PTCHD4: variants seen among roughly 807,000 people sequenced by gnomAD.
PTCHD4 encodes the protein patched domain containing 4.
PTCHD4 carries 33 observed loss-of-function variants against 58.1 expected under a neutral mutation model. The observed-to-expected ratio is 0.57, with a 90% CI of 0.43 to 0.76. The LOEUF (loss-of-function observed/expected upper bound fraction) is 0.76, where lower values mean the gene tolerates loss of function less well. Among genes scored for constraint, PTCHD4 ranks in the 30% least tolerant of loss-of-function variants. The pLI is 0.00. For synonymous variants in PTCHD4, 478 were observed against 409.6 expected, an observed-to-expected ratio of 1.17 and a Z score of -2.02; for missense variants, 1,058 against 1,027.1, an observed-to-expected ratio of 1.03 and a Z score of -0.41.
chr6:48,093,907 G>A (rs1765413028), intron 1 of PTCHD4, among the ~76,000 whole-genome samples: 1 of 152,104 alleles, frequency 6.6e-6, no homozygotes, highest in Non-Finnish European at 1.5e-5. Context: ...ATGAGGGCAA[G>A]GCATTTTCAC....
At chr6:47,995,694 C>T (rs1376626678) in intron 4 of PTCHD4, among the ~76,000 whole-genome samples, 2 of 152,160 alleles carry the variant, frequency 1.3e-5, no homozygotes, top group African/African-American at 4.8e-5. Context: ...CTTAGTTTTT[C>T]CTGGCAACCA....
At position 48,038,557 on chromosome 6, in the gene PTCHD4, T is replaced by C. The variant is rs569016305; in HGVS notation, c.418-29443A>G. On this transcript the variant is annotated intron_variant, in intron 3 of 4. Coordinates refer to ENST00000339488, the MANE Select transcript of PTCHD4 (RefSeq NM_001384253.1). Reference sequence around the variant, plus strand: ...CGGGAGGCTGAGGCATAAGAATCGCTTGAACCCGGGAGACAGAGGTTGCAG... The same window carrying C: ...CGGGAGGCTGAGGCATAAGAATCGCCTGAACCCGGGAGACAGAGGTTGCAG... Among the ~76,000 whole-genome samples, 36 of 151,774 alleles carry C rather than the reference T, an allele frequency of 2.4e-4. No individual in the cohort carries two copies. In the South Asian group the frequency reaches 7.1e-3, roughly 30 times the overall value.
At chr6:47,940,196 A>C (rs1766158972) in intron 4 of PTCHD4, among the ~76,000 whole-genome samples, 1 of 152,096 alleles carries the variant, frequency 6.6e-6, no homozygotes, top group South Asian at 2.1e-4. Flanking sequence ...CAAAGACAAT[A>C]AAAAATGAAA....
At chr6:48,043,393 A>C (rs1046678892) in intron 3 of PTCHD4, among the ~76,000 whole-genome samples, 3 of 151,822 alleles carry the variant, frequency 2.0e-5, no homozygotes, top group Non-Finnish European at 1.5e-5. Context: ...CTCCCTATAA[A>C]ATACTTAATT....
chr6:47,981,318 A>G (rs575464115), intron 4 of PTCHD4, among the ~76,000 whole-genome samples: 22 of 151,664 alleles, frequency 1.5e-4, no homozygotes, highest in African/African-American at 5.1e-4. Context: ...TTTATTTTGT[A>G]TTTTGTTGCT....
At chr6:47,927,578 A>C (rs1199671848) in intron 4 of PTCHD4, among the ~76,000 whole-genome samples, 2 of 152,198 alleles carry the variant, frequency 1.3e-5, no homozygotes, top group Non-Finnish European at 2.9e-5. Flanking sequence ...AAGGAGAGGG[A>C]GAAAGAACAT....
At chr6:48,001,581 T>G (rs978642151) in intron 4 of PTCHD4, among the ~76,000 whole-genome samples, 1 of 152,212 alleles carries the variant, frequency 6.6e-6, no homozygotes, top group Admixed American at 6.5e-5. Flanking sequence ...AGTGGATCCC[T>G]TCCTTACACC....
At chr6:47,907,042 G>C (rs1764910256) in intron 4 of PTCHD4, among the ~76,000 whole-genome samples, 1 of 152,116 alleles carries the variant, frequency 6.6e-6, no homozygotes, top group African/African-American at 2.4e-5. Flanking sequence ...TCAGCATAAT[G>C]CCTGCATTTT....
At chr6:48,100,541 C>T (rs1352270006) in intron 1 of PTCHD4, among the ~76,000 whole-genome samples, 1 of 152,210 alleles carries the variant, frequency 6.6e-6, no homozygotes, top group Non-Finnish European at 1.5e-5. Flanking sequence ...ATGAAAAGAA[C>T]TCTTTCATCC....
intron 1 of PTCHD4, among the ~76,000 whole-genome samples, chr6:48,079,117 C>CAAAAAAAAA (rs398001467): frequency 4.1e-5 from 3 of 73,176 alleles, no homozygotes; most frequent in Non-Finnish European, 5.9e-5. Context: ...AATTCCATCA[C>CAAAAAAAAA]AAAAAAAAAA....
intron 3 of PTCHD4, among the ~76,000 whole-genome samples, chr6:48,011,426 T>C (rs1762669803): frequency 1.3e-5 from 2 of 152,086 alleles, no homozygotes; most frequent in African/African-American, 4.8e-5. Context: ...TTGATGTTTT[T>C]TTTTCTTGTA....
intron 1 of PTCHD4, among the ~76,000 whole-genome samples, chr6:48,083,319 CAGAT>C (rs950792290): frequency 4.6e-5 from 7 of 151,680 alleles, no homozygotes; most frequent in South Asian, 2.1e-4. Context: ...CTTAACAAAA[CAGAT>C]AGTAATAGTA....
Position 47,879,171 on chromosome 6 carries a change from A to G in PTCHD4, c.1664T>C (p.Leu555Pro), listed in dbSNP as rs775348786. The G allele has an allele frequency of 1.9e-6, 3 of 1,612,156 alleles. No homozygotes were observed. The South Asian group carries it at 3.3e-5, about 18-fold the overall frequency. ...ATTGGCACTGACGTTGCTGACTTTC[A>G]GGAACTGGTAGTACTGCTCCACCCA... ...VSWVEQYYQF[L>P]KVSNVSANNK... The change falls in exon 5 of 5, where the codon CTG becomes CCG. Residue 555 changes from leucine to proline, a missense_variant. Physicochemically the swap from Leu to Pro is moderately conservative, Grantham distance 98 (BLOSUM62 -3). Coordinates refer to ENST00000339488, the MANE Select transcript of PTCHD4 (RefSeq NM_001384253.1).
At chr6:47,977,682 C>T (rs186923988) in intron 4 of PTCHD4, among the ~76,000 whole-genome samples, 32 of 151,812 alleles carry the variant, frequency 2.1e-4, no homozygotes, top group African/African-American at 7.2e-4. Flanking sequence ...ATTTGTTATG[C>T]TGCAATAGAT....
chr6:48,106,041 G>T (rs1054773921), intron 1 of PTCHD4, among the ~76,000 whole-genome samples: 1 of 152,056 alleles, frequency 6.6e-6, no homozygotes, highest in East Asian at 1.9e-4. Flanking sequence ...AGCTGGTACC[G>T]TTCCTTCTGA....
chr6:47,975,247 A>G (rs987779730), intron 4 of PTCHD4, among the ~76,000 whole-genome samples: 2 of 152,224 alleles, frequency 1.3e-5, no homozygotes, highest in African/African-American at 4.8e-5. Flanking sequence ...GAATAAGTAA[A>G]TGAATGACTA....
intron 4 of PTCHD4, among the ~76,000 whole-genome samples, chr6:47,985,072 G>A (rs1355069631): frequency 6.6e-6 from 1 of 152,080 alleles, no homozygotes; most frequent in East Asian, 1.9e-4. Context: ...TTACTTATGA[G>A]AACTGATTTT....
intron 4 of PTCHD4, among the ~76,000 whole-genome samples, chr6:47,917,426 C>T (rs965744303): frequency 6.6e-6 from 1 of 152,112 alleles, no homozygotes; most frequent in African/African-American, 2.4e-5. Flanking sequence ...CAATGGCTCT[C>T]ACATATACAA....
intron 1 of PTCHD4, among the ~76,000 whole-genome samples, chr6:48,097,921 C>T (rs1002399787): frequency 1.3e-5 from 2 of 152,220 alleles, no homozygotes; most frequent in Non-Finnish European, 2.9e-5. Context: ...ACAGGTGTCC[C>T]TTAACATCAA....
Sources: gnomAD v4.1 joint callset for allele counts (sites outside exome capture counted in the v4.1 genomes callset) on GRCh38, gnomAD v4.1.1 for gene constraint, MANE v1.5 for transcripts, NCBI Gene and HGNC (gene_info 2026-07-23, HGNC 2026-07-21) for gene names.